The following MAP4K1 variants were observed in gnomAD, a reference collection of about 807,000 sequenced individuals.
MAP4K1 encodes MAPK/ERK kinase kinase kinase 1.
A neutral mutation model predicts 122.8 loss-of-function variants in MAP4K1; 35 were observed. The ratio of observed to expected loss-of-function variants is 0.29; its 90% CI spans 0.22 to 0.38. The LOEUF (loss-of-function observed/expected upper bound fraction) is 0.38. Ranked by LOEUF, MAP4K1 falls within the 10% of genes least tolerant of loss-of-function variation. MAP4K1 has a pLI of 1.00. For synonymous variants in MAP4K1, 412 were observed against 421.3 expected, an observed-to-expected ratio of 0.98 and a Z score of 0.27; for missense variants, 791 against 1,072.6, an observed-to-expected ratio of 0.74 and a Z score of 3.67.
Position 38,613,906 on chromosome 19 carries a change from G to T in MAP4K1, c.507C>A (p.Arg169=). 6.2e-7 allele frequency: 1 copy of T among 1,613,026 alleles called. No homozygotes were observed. The highest frequency in any genetic ancestry group is 8.5e-7 in the Non-Finnish European group (1 of 1,179,574). The change falls in exon 8 of 31, where the codon CGC becomes CGA. Residue 169 remains arginine, a synonymous_variant. Transcript: ENST00000396857. ...SAQIGATLAR[R]LSFIGTPYWM... is the part of the protein sequence containing the mutation. ...AGTAGGGTGTCCCAATGAAAGAGAGGCGTCTGGCCAGTGTAGCCCCAATCT... is the reference window on the plus strand; with the variant it reads ...AGTAGGGTGTCCCAATGAAAGAGAGTCGTCTGGCCAGTGTAGCCCCAATCT...
chr19:38,594,315 T>G (rs1288909440), intron 29 of MAP4K1, among the ~76,000 whole-genome samples: 1 of 151,780 alleles, frequency 6.6e-6, no homozygotes, highest in Non-Finnish European at 1.5e-5. Context: ...CCACTGCACT[T>G]CAGCCTGGAC....
intron 30 of MAP4K1, among the ~76,000 whole-genome samples, chr19:38,588,036 C>CA (rs1218242834): frequency 6.6e-6 from 1 of 151,832 alleles, no homozygotes; most frequent in African/African-American, 2.4e-5. Context: ...GCATGTCTGG[C>CA]AGGGAAACCT....
chr19:38,610,084 G>GTGGACAGAGAGGGCTGGTT, intron 11 of MAP4K1, 59 bp from the exon 12 acceptor site: 1 of 1,262,110 alleles, frequency 7.9e-7, no homozygotes, highest in Middle Eastern at 1.9e-4. Context: ...GAGGGCTGGT[G>GTGGACAGAGAGGGCTGGTT]TGGACAGAGA....
chr19:38,590,634 C>T (rs1293438894), intron 30 of MAP4K1, among the ~76,000 whole-genome samples: 1 of 151,350 alleles, frequency 6.6e-6, no homozygotes, highest in Non-Finnish European at 1.5e-5. Context: ...GCCACCACAC[C>T]CAGCTAATTT....
intron 30 of MAP4K1, among the ~76,000 whole-genome samples, chr19:38,590,834 C>G (rs990344780): frequency 6.6e-6 from 1 of 151,924 alleles, no homozygotes; most frequent in African/African-American, 2.4e-5. Context: ...GTGTTGTTTT[C>G]TTGATTTTGA....
chr19:38,612,772 G>T, intron 8 of MAP4K1, 30 bp from the exon 9 acceptor site: 1 of 1,608,880 alleles, frequency 6.2e-7, no homozygotes. Context: ...GAGAGCCAGA[G>T]GTGGCATGGG....
rs200901520 is a variant in MAP4K1, at chr19:38,596,436, G to A, written c.1992C>T (p.Thr664=). Residue 664 remains threonine (T), a synonymous_variant, in exon 26 of 31, where the codon ACC becomes ACT. Coordinates refer to ENST00000396857, the MANE Select transcript of MAP4K1 (RefSeq NM_001042600.3). ...CAGCGGGCAGCTCAGAGCCTGGCCCGGTCAGCAGCGCGAACACGGACAGAG... is the reference window on the plus strand; with the variant it reads ...CAGCGGGCAGCTCAGAGCCTGGCCCAGTCAGCAGCGCGAACACGGACAGAG... The part of the protein sequence containing the change: ...PTPLSVFALL[T]GPGSELPAVC... The A allele has an allele frequency of 6.1e-4, 962 of 1,589,614 alleles. 6 individuals carry two copies. The African/African-American group carries it at 0.012, about 19-fold the overall frequency.
At chr19:38,600,223 A>G in intron 20 of MAP4K1, 70 bp from the exon 21 acceptor site, 1 of 1,229,808 alleles carries the variant, frequency 8.1e-7, no homozygotes, top group South Asian at 1.2e-5. Flanking sequence ...CACCTGTCTG[A>G]CCTCAAACAC....
intron 16 of MAP4K1, among the ~76,000 whole-genome samples, chr19:38,606,718 A>T (rs1975339687): frequency 1.3e-5 from 2 of 152,200 alleles, no homozygotes; most frequent in African/African-American, 2.4e-5. Flanking sequence ...CTGTTTCCAA[A>T]AAAAAGACTA....
At chr19:38,610,209 T>C (rs1251753502) in intron 11 of MAP4K1, among the ~76,000 whole-genome samples, 184 bp from the exon 12 acceptor site, 1 of 151,686 alleles carries the variant, frequency 6.6e-6, no homozygotes, top group Non-Finnish European at 1.5e-5. Context: ...GTATTCTTTT[T>C]TGTTTGTTTG....
intron 4 of MAP4K1, among the ~76,000 whole-genome samples, chr19:38,615,129 A>T (rs1183462140): frequency 6.6e-6 from 1 of 151,380 alleles, no homozygotes; most frequent in Non-Finnish European, 1.5e-5. Flanking sequence ...GGGTGAAGAC[A>T]TGAGGGCTCC....
chr19:38,617,742 G>A lies in MAP4K1; in HGVS notation c.99+55C>T, dbSNP rs1975692900. On this transcript the variant is annotated intron_variant, in intron 1 of 30. Coordinates refer to ENST00000396857, the MANE Select transcript of MAP4K1 (RefSeq NM_001042600.3). This position sits in a 1 kb window ranked among gnomAD's most constrained non-coding sequence, Gnocchi z 4.1. ...TCTTGCAGCCTCCTCCCTGCCGAGGGCTTGCCTTAAAGGTCACTGGTTGTA... is the reference window on the plus strand; with the variant it reads ...TCTTGCAGCCTCCTCCCTGCCGAGGACTTGCCTTAAAGGTCACTGGTTGTA... 5.0e-6 allele frequency: 8 copies of A among 1,606,808 alleles called. No homozygotes were observed. The highest frequency in any genetic ancestry group is 6.8e-6 in the Non-Finnish European group (8 of 1,173,388).
chr19:38,588,604 T>C (rs1237992089), intron 30 of MAP4K1, among the ~76,000 whole-genome samples: 1 of 141,086 alleles, frequency 7.1e-6, no homozygotes, highest in African/African-American at 2.8e-5. Flanking sequence ...CAAAAAAAAA[T>C]TAGCCAGGTG....
chr19:38,590,437 A>ATATAT (rs1168613832), intron 30 of MAP4K1, among the ~76,000 whole-genome samples: 60 of 120,394 alleles, frequency 5.0e-4, no homozygotes, highest in East Asian at 1.5e-3. Context: ...ATATATATAT[A>ATATAT]ATCACGGGCG....
rs564399483 is a variant in MAP4K1, at chr19:38,617,050, A to G, written c.248+304T>C. Among the ~76,000 whole-genome samples the G allele has an allele frequency of 1.3e-5, 2 of 152,172 alleles. No homozygotes were observed. The highest frequency in any genetic ancestry group is 2.4e-5 in the African/African-American group (1 of 41,510). On this transcript the variant is annotated intron_variant, in intron 3 of 30. Coordinates refer to ENST00000396857, the MANE Select transcript of MAP4K1 (RefSeq NM_001042600.3). The surrounding 1 kb of genome is among the most constrained non-coding windows in gnomAD (Gnocchi z 4.1). ...ATCACAAGGTCAGGAGTTCAAGACC[A>G]GCCTGGCCAAGATGGTGAAACCCCA...
chr19:38,596,441 G>T lies in MAP4K1; in HGVS notation c.1987C>A (p.Leu663Met). The T allele has an allele frequency of 6.3e-7, 1 of 1,589,294 alleles. No individual in the cohort carries two copies. The highest frequency in any genetic ancestry group is 1.7e-5 in the Admixed American group (1 of 57,298). ...LPTPLSVFALLTGPGSELPAV... is the reference protein window; with the variant it reads ...LPTPLSVFALMTGPGSELPAV... ...GGCAGCTCAGAGCCTGGCCCGGTCA[G>T]CAGCGCGAACACGGACAGAGGCGTC... The change falls in exon 26 of 31, where the codon CTG (leucine) becomes ATG (methionine). Residue 663 changes from leucine (L) to methionine (M), a missense_variant. Coordinates refer to ENST00000396857, the MANE Select transcript of MAP4K1 (RefSeq NM_001042600.3).
chr19:38,615,819 G>A lies in MAP4K1; in HGVS notation c.313+376C>T, dbSNP rs149031366. On this transcript the variant is annotated intron_variant, in intron 4 of 30. Coordinates refer to ENST00000396857, the MANE Select transcript of MAP4K1 (RefSeq NM_001042600.3). The stretch of plus-strand genomic sequence containing the variant: ...ATTACAGGCGTCTGCCACCACGCCC[G>A]GCTAATTTTTTGTATTTTTAGTAGA... Among the ~76,000 whole-genome samples the A allele has an allele frequency of 9.4e-4, 143 of 152,076 alleles. 2 individuals carry two copies. Among genetic ancestry groups the A allele is most frequent in the East Asian group, 9.3e-3 (48 of 5,168 alleles).
chr19:38,611,554 G>A (rs921113241), intron 9 of MAP4K1, among the ~76,000 whole-genome samples: 12 of 151,988 alleles, frequency 7.9e-5, no homozygotes, highest in African/African-American at 2.7e-4. Flanking sequence ...AGGCCAAGGC[G>A]GGAGGATAGC....
chr19:38,594,540 TGAGGCAGGA>T (rs1184058135), intron 29 of MAP4K1, among the ~76,000 whole-genome samples: 2 of 152,096 alleles, frequency 1.3e-5, no homozygotes, highest in African/African-American at 4.8e-5. Context: ...CTCGGGAGGC[TGAGGCAGGA>T]GAATCACTTG....
Sources: allele counts gnomAD v4.1 joint callset (sites outside exome capture counted in the v4.1 genomes callset), GRCh38; gene constraint gnomAD v4.1.1; non-coding constraint Gnocchi (gnomAD v3.1); transcripts MANE v1.5; gene names NCBI Gene and HGNC (gene_info 2026-07-23, HGNC 2026-07-21).